The following LOC128092253 variants were observed in gnomAD, a reference collection of about 807,000 sequenced individuals.
chr6:133,953,667 C>A, the LOC128092253 span, among the ~76,000 whole-genome samples: 1 of 151,668 alleles, frequency 6.6e-6, no homozygotes, highest in Non-Finnish European at 1.5e-5. Flanking sequence ...TTAGGGATAA[C>A]GGGTTGGGGG....
the LOC128092253 span, among the ~76,000 whole-genome samples, chr6:133,965,025 A>G: frequency 7.6e-3 from 1,152 of 152,346 alleles, 7 homozygotes; most frequent in Non-Finnish European, 0.012. Context: ...ATCAGAATAT[A>G]GAGAGGCTTG....
chr6:133,968,792 C>T, the LOC128092253 span: 1 of 152,266 alleles, frequency 6.6e-6, no homozygotes, highest in Admixed American at 6.5e-5. Context: ...GCCTCAGCCT[C>T]CGCAGTAGCT....
the LOC128092253 span, chr6:133,979,960 G>C: frequency 1.3e-6 from 1 of 795,332 alleles, no homozygotes; most frequent in African/African-American, 1.8e-5. Context: ...GACATGATTT[G>C]ATTCTAGTAA....
the LOC128092253 span, among the ~76,000 whole-genome samples, chr6:133,957,710 G>A: frequency 3.9e-5 from 6 of 152,308 alleles, no homozygotes; most frequent in Non-Finnish European, 7.4e-5. Flanking sequence ...TTAATGGCAT[G>A]GCCTTAAATA....
the LOC128092253 span, among the ~76,000 whole-genome samples, chr6:133,977,857 C>T: frequency 6.6e-6 from 1 of 152,194 alleles, no homozygotes; most frequent in South Asian, 2.1e-4. Context: ...TACTTGAGCT[C>T]TAGCTCTCAT....
At chr6:133,979,756 C>T in the LOC128092253 span, among the ~76,000 whole-genome samples, 16 of 152,216 alleles carry the variant, frequency 1.1e-4, no homozygotes, top group East Asian at 3.1e-3. Context: ...AAGTGATTCT[C>T]CCACCTCAGC....
At chr6:133,955,640 G>T in the LOC128092253 span, among the ~76,000 whole-genome samples, 2 of 152,060 alleles carry the variant, frequency 1.3e-5, no homozygotes, top group Admixed American at 6.5e-5. Context: ...ATTAAAATAA[G>T]GTATATTAAA....
At chr6:133,954,131 G>A in the LOC128092253 span, among the ~76,000 whole-genome samples, 2 of 152,216 alleles carry the variant, frequency 1.3e-5, no homozygotes, top group African/African-American at 4.8e-5. Flanking sequence ...CTGCCGAGAT[G>A]TGCATCTGCA....
chr6:133,961,700 G>A, the LOC128092253 span, among the ~76,000 whole-genome samples: 2 of 151,994 alleles, frequency 1.3e-5, no homozygotes, highest in African/African-American at 4.8e-5. Context: ...CCCTGACCTC[G>A]TGATCCATGC....
chr6:133,955,973 T>C, the LOC128092253 span, among the ~76,000 whole-genome samples: 6 of 152,194 alleles, frequency 3.9e-5, no homozygotes, highest in African/African-American at 1.4e-4. Flanking sequence ...TTATGAAACA[T>C]ATAGCTGAAT....
chr6:133,962,585 C>T, the LOC128092253 span, among the ~76,000 whole-genome samples: 34 of 152,110 alleles, frequency 2.2e-4, no homozygotes, highest in Admixed American at 9.8e-4. Flanking sequence ...TTGTATGTGT[C>T]GATTTTAATA....
the LOC128092253 span, among the ~76,000 whole-genome samples, chr6:133,954,044 A>G: frequency 6.6e-6 from 1 of 152,214 alleles, no homozygotes; most frequent in East Asian, 1.9e-4. Context: ...GAGAGTCGGG[A>G]TAAGTGATAA....
chr6:133,964,695 G>A, the LOC128092253 span, among the ~76,000 whole-genome samples: 14 of 152,000 alleles, frequency 9.2e-5, no homozygotes, highest in African/African-American at 2.2e-4. Flanking sequence ...TGATCCACCC[G>A]CCTCAGCTTC....
chr6:133,961,884 G>C, the LOC128092253 span, among the ~76,000 whole-genome samples: 11 of 151,902 alleles, frequency 7.2e-5, no homozygotes, highest in African/African-American at 2.7e-4. Context: ...TGATTATTTT[G>C]TCAGCCTATT....
chr6:133,968,038 CT>C, the LOC128092253 span, among the ~76,000 whole-genome samples: 1 of 145,592 alleles, frequency 6.9e-6, no homozygotes, highest in Admixed American at 6.9e-5. Flanking sequence ...GAGACAGAGT[CT>C]TGCTTTGTCA....
the LOC128092253 span, among the ~76,000 whole-genome samples, chr6:133,957,561 C>T: frequency 1.3e-5 from 2 of 152,186 alleles, no homozygotes; most frequent in Non-Finnish European, 2.9e-5. Flanking sequence ...TGATAAATTA[C>T]AAGTATTTTC....
the LOC128092253 span, among the ~76,000 whole-genome samples, chr6:133,974,387 G>C: frequency 6.6e-6 from 1 of 152,316 alleles, no homozygotes; most frequent in African/African-American, 2.4e-5. Context: ...AGGTTGGAGT[G>C]CAGTGGCGCG....
the LOC128092253 span, among the ~76,000 whole-genome samples, chr6:133,958,645 G>C: frequency 6.6e-6 from 1 of 152,162 alleles, no homozygotes; most frequent in South Asian, 2.1e-4. Context: ...GGAAACTGCT[G>C]ACTAAAAATA....
At chr6:133,970,590 A>G in the LOC128092253 span, among the ~76,000 whole-genome samples, 1 of 151,552 alleles carries the variant, frequency 6.6e-6, no homozygotes, top group East Asian at 1.9e-4. Context: ...TCTGTCACCA[A>G]GGTTTGTTTT....
Sources: gnomAD v4.1 joint callset for allele counts (sites outside exome capture counted in the v4.1 genomes callset) on GRCh38, gnomAD v4.1.1 for gene constraint, MANE v1.5 for transcripts.